The following ATAD2B variants were observed in gnomAD, a reference collection of about 807,000 sequenced individuals.
The protein encoded by ATAD2B is ATPase family AAA domain-containing protein 2B.
Under a neutral mutation model 167.6 loss-of-function variants are expected in ATAD2B, and 40 were observed. That is an observed-to-expected ratio of 0.24 (90% CI 0.19 to 0.31). The LOEUF (loss-of-function observed/expected upper bound fraction) is 0.31. Ranked by LOEUF, ATAD2B falls within the 10% of genes least tolerant of loss-of-function variation. The pLI, the probability that ATAD2B is intolerant of heterozygous loss-of-function variation, is 1.00. For synonymous variants in ATAD2B, 579 were observed against 596.5 expected (o/e 0.97, Z 0.43); for missense variants, 1,242 against 1,757.2 (o/e 0.71, Z 5.24).
intron 1 of ATAD2B, among the ~76,000 whole-genome samples, chr2:23,919,778 C>T (rs1279753420): frequency 1.3e-5 from 2 of 148,184 alleles, no homozygotes; most frequent in African/African-American, 5.0e-5. Context: ...AGGAAGCACA[C>T]AGATTACAGT....
chr2:23,775,556 T>C (rs756340778), intron 22 of ATAD2B, among the ~76,000 whole-genome samples: 6 of 152,156 alleles, frequency 3.9e-5, no homozygotes, highest in Non-Finnish European at 8.8e-5. Flanking sequence ...AAAAGCTACA[T>C]GCTATTAAAA....
chr2:23,732,643 A>G, the ATAD2B span, among the ~76,000 whole-genome samples: 1 of 152,312 alleles, frequency 6.6e-6, no homozygotes, highest in South Asian at 2.1e-4. Flanking sequence ...ATGTTATTAG[A>G]TATTAATTTC....
intron 6 of ATAD2B, among the ~76,000 whole-genome samples, chr2:23,881,789 T>C (rs940824437): frequency 6.6e-5 from 10 of 151,556 alleles, no homozygotes; most frequent in Non-Finnish European, 1.3e-4. Flanking sequence ...AATGGCGCGA[T>C]CTCAGCTCAC....
chr2:23,683,158 G>T, the ATAD2B span, among the ~76,000 whole-genome samples: 1 of 152,202 alleles, frequency 6.6e-6, no homozygotes, highest in Non-Finnish European at 1.5e-5. Flanking sequence ...GAGTCCTGGC[G>T]GGCAGCCGGC....
intron 1 of ATAD2B, among the ~76,000 whole-genome samples, chr2:23,914,866 T>A (rs559995286): frequency 6.6e-5 from 10 of 151,244 alleles, no homozygotes; most frequent in Middle Eastern, 3.2e-3. Flanking sequence ...AGAACTCTCA[T>A]ACACTATACT....
At chr2:23,812,679 G>A (rs1382009514) in intron 17 of ATAD2B, among the ~76,000 whole-genome samples, 2 of 152,116 alleles carry the variant, frequency 1.3e-5, no homozygotes, top group East Asian at 1.9e-4. Flanking sequence ...TGGCTAACAC[G>A]GTGAAACCCC....
chr2:23,926,378 A>C (rs1704817439), intron 1 of ATAD2B, among the ~76,000 whole-genome samples, 177 bp downstream of exon 1: 1 of 152,112 alleles, frequency 6.6e-6, no homozygotes, highest in African/African-American at 2.4e-5. Context: ...TGAAAAGCAA[A>C]GGGGCCAGCG....
At chr2:23,695,594 A>T in the ATAD2B span, 2 of 1,497,142 alleles carry the variant, frequency 1.3e-6, no homozygotes, top group Admixed American at 4.4e-5. The surrounding 1 kb of genome is among the most constrained non-coding windows in gnomAD (Gnocchi z 7.6). Flanking sequence ...TTGCTAGTCT[A>T]AGAAGATTCT....
At chr2:23,919,698 C>A (rs962260731) in intron 1 of ATAD2B, among the ~76,000 whole-genome samples, 1 of 151,704 alleles carries the variant, frequency 6.6e-6, no homozygotes. Context: ...CAAAAATTAG[C>A]CAGGTGAGGT....
chr2:23,746,420 C>T (rs190238016), downstream of ATAD2B, among the ~76,000 whole-genome samples: 5 of 152,174 alleles, frequency 3.3e-5, no homozygotes, highest in African/African-American at 1.2e-4. Context: ...TCAGAATAGT[C>T]TCCAGCACCT....
chr2:23,873,907 C>T (rs1053654893), intron 8 of ATAD2B, among the ~76,000 whole-genome samples: 4 of 152,190 alleles, frequency 2.6e-5, no homozygotes, highest in African/African-American at 9.7e-5. Context: ...CTAGTTGGGG[C>T]TGGGCATGGT....
chr2:23,863,060 A>C (rs890640692), intron 12 of ATAD2B, among the ~76,000 whole-genome samples: 3 of 152,174 alleles, frequency 2.0e-5, no homozygotes, highest in Non-Finnish European at 4.4e-5. Context: ...TAAATATTCT[A>C]AAGAAAATAT....
At chr2:23,782,766 T>C in intron 22 of ATAD2B, 103 bp downstream of exon 22, 1 of 937,632 alleles carries the variant, frequency 1.1e-6, no homozygotes. Context: ...AAACAACAGG[T>C]CATGAAAATT....
chr2:23,847,421 C>T (rs965204172), intron 13 of ATAD2B, among the ~76,000 whole-genome samples: 6 of 151,970 alleles, frequency 3.9e-5, no homozygotes, highest in Non-Finnish European at 5.9e-5. Context: ...AGGAGAGTGG[C>T]TTGAACCTGG....
chr2:23,798,654 A>C (rs1442110651), intron 18 of ATAD2B, among the ~76,000 whole-genome samples: 1 of 152,212 alleles, frequency 6.6e-6, no homozygotes, highest in Non-Finnish European at 1.5e-5. Flanking sequence ...ACCACTGTAA[A>C]ATATGCTGCA....
intron 20 of ATAD2B, among the ~76,000 whole-genome samples, chr2:23,786,538 T>C (rs1680842939): frequency 6.6e-6 from 1 of 152,078 alleles, no homozygotes; most frequent in South Asian, 2.1e-4. Context: ...TGTAGCACAG[T>C]CGTATTTCTG....
rs114364081 is a variant in ATAD2B, at chr2:23,891,382, T to C, written c.369-2983A>G. Reference sequence around the variant, plus strand: ...TATATGCCTAAAAGTTTCTGTATTATATGAATGTTCTCAAAAGTTGTTCAC... The same window carrying C: ...TATATGCCTAAAAGTTTCTGTATTACATGAATGTTCTCAAAAGTTGTTCAC... On this transcript the variant is annotated intron_variant, in intron 2 of 27. Transcript: ENST00000238789. 4.9e-3 allele frequency among the ~76,000 whole-genome samples: 742 copies of C among 152,292 alleles called. 2 individuals are homozygous for C. Among genetic ancestry groups the C allele is most frequent in the Non-Finnish European group, 8.0e-3 (547 of 68,036 alleles).
At chr2:23,852,772 A>G (rs1211331204) in intron 13 of ATAD2B, among the ~76,000 whole-genome samples, 8 of 152,104 alleles carry the variant, frequency 5.3e-5, no homozygotes, top group Non-Finnish European at 4.4e-5. Context: ...CACAAAAATT[A>G]GCCAGGCACG....
At chr2:23,726,933 T>C in the ATAD2B span, among the ~76,000 whole-genome samples, 1 of 152,148 alleles carries the variant, frequency 6.6e-6, no homozygotes, top group Non-Finnish European at 1.5e-5. Flanking sequence ...TCAAAATGGT[T>C]AAGAGGGCAA....
Sources: allele counts gnomAD v4.1 joint callset (sites outside exome capture counted in the v4.1 genomes callset), GRCh38; gene constraint gnomAD v4.1.1; non-coding constraint Gnocchi (gnomAD v3.1); transcripts MANE v1.5; gene names NCBI Gene and HGNC (gene_info 2026-07-23, HGNC 2026-07-21).